HECW1: variants seen among roughly 807,000 people sequenced by gnomAD.
HECW1 encodes HECT, C2 and WW domain containing E3 ubiquitin protein ligase 1.
In HECW1, 61 loss-of-function variants were observed where a neutral mutation model predicts 182.3. The observed-to-expected ratio is 0.33, with a 90% CI of 0.27 to 0.41. The LOEUF (loss-of-function observed/expected upper bound fraction) is 0.41. Among genes scored for constraint, HECW1 ranks in the 10% least tolerant of loss-of-function variants. The pLI is 1.00. For synonymous variants in HECW1, 859 were observed against 832.6 expected (o/e 1.03, Z -0.55); for missense variants, 1,739 against 2,108.9 (o/e 0.82, Z 3.44).
At chr7:43,234,686 G>T (rs986909836) in intron 2 of HECW1, among the ~76,000 whole-genome samples, 8 of 152,142 alleles carry the variant, frequency 5.3e-5, no homozygotes, top group African/African-American at 1.9e-4. Flanking sequence ...TCTTGAAGTT[G>T]CATGATCTCT....
At chr7:43,256,470 G>A (rs533860316) in intron 3 of HECW1, among the ~76,000 whole-genome samples, 43 of 152,038 alleles carry the variant, frequency 2.8e-4, no homozygotes, top group African/African-American at 1.0e-3. Context: ...TTAGCCAGCC[G>A]TGGTGGCAGG....
intron 5 of HECW1, among the ~76,000 whole-genome samples, chr7:43,341,163 G>C (rs1353031491): frequency 6.6e-6 from 1 of 151,604 alleles, no homozygotes; most frequent in Non-Finnish European, 1.5e-5. Context: ...CTGTCATAGG[G>C]TTGGGGGGCA....
intron 6 of HECW1, among the ~76,000 whole-genome samples, chr7:43,371,021 G>A (rs1023679255): frequency 6.6e-6 from 1 of 151,840 alleles, no homozygotes; most frequent in Non-Finnish European, 1.5e-5. Flanking sequence ...CCGAGTAGCT[G>A]GGACTACAGG....
chr7:43,256,249 C>G (rs915456182), intron 3 of HECW1, among the ~76,000 whole-genome samples: 1 of 152,152 alleles, frequency 6.6e-6, no homozygotes, highest in East Asian at 1.9e-4. Flanking sequence ...CTGTGTTTGT[C>G]ATTGAAGATC....
chr7:43,523,164 C>T (rs564194618), intron 24 of HECW1: 63 of 282,322 alleles, frequency 2.2e-4, no homozygotes, highest in Admixed American at 4.2e-4. Context: ...CCACCAGGCC[C>T]GGCTAATTTT....
intron 8 of HECW1, among the ~76,000 whole-genome samples, chr7:43,419,299 A>AT: frequency 6.6e-6 from 1 of 152,216 alleles, no homozygotes. Flanking sequence ...AATTCATTCC[A>AT]TGCCCGTCTC....
chr7:43,207,773 A>G (rs1429202525), intron 2 of HECW1: 1 of 152,172 alleles, frequency 6.6e-6, no homozygotes, highest in Non-Finnish European at 1.5e-5. Flanking sequence ...AAAACATGGA[A>G]TGCTTCACAG....
At chr7:43,164,943 A>G (rs980042072) in intron 2 of HECW1, among the ~76,000 whole-genome samples, 4 of 152,228 alleles carry the variant, frequency 2.6e-5, no homozygotes, top group African/African-American at 9.6e-5. Flanking sequence ...GGCTGAAAGC[A>G]GAAGGATGAA....
chr7:43,544,043 A>T (rs2081464945), intron 26 of HECW1, among the ~76,000 whole-genome samples: 1 of 152,198 alleles, frequency 6.6e-6, no homozygotes, highest in African/African-American at 2.4e-5. Context: ...TTCCAGCTGG[A>T]TCAGAAACCT....
chr7:43,221,968 G>C (rs953356702), intron 2 of HECW1, among the ~76,000 whole-genome samples: 1 of 152,212 alleles, frequency 6.6e-6, no homozygotes, highest in Non-Finnish European at 1.5e-5. Context: ...CCTTAGACCA[G>C]AGTGTCCTCA....
At position 43,561,893 on chromosome 7, in the gene HECW1, AGT is replaced by A; in HGVS notation, c.4789_4790del (p.Val1597ArgfsTer9). ...TGTTGTATGAAAAGCTGTTAACAGC[AGT>A]AGAGGAAACCAGCACCTTTGGACTT... ...SMLYEKLLTA[V>X]EETSTFGLE On this transcript the variant is annotated frameshift_variant, in exon 30 of 30. Transcript: ENST00000395891. LOFTEE classifies it high-confidence loss of function. The A allele has an allele frequency of 6.2e-7, 1 of 1,613,550 alleles. No individual in the cohort carries two copies. The highest frequency in any genetic ancestry group is 8.5e-7 in the Non-Finnish European group (1 of 1,179,410).
At chr7:43,424,236 A>G (rs1383827151) in intron 8 of HECW1, among the ~76,000 whole-genome samples, 3 of 152,202 alleles carry the variant, frequency 2.0e-5, no homozygotes, top group Non-Finnish European at 4.4e-5. Flanking sequence ...TCCAGTGACA[A>G]ATCTCAAGTC....
intron 26 of HECW1, among the ~76,000 whole-genome samples, chr7:43,549,959 T>C (rs1208501489): frequency 5.3e-5 from 8 of 152,136 alleles, no homozygotes; most frequent in Admixed American, 5.2e-4. Context: ...GTTTCCTCTG[T>C]ATAAAACAAA....
chr7:43,159,510 T>C (rs1177415147), intron 2 of HECW1, among the ~76,000 whole-genome samples: 1 of 152,158 alleles, frequency 6.6e-6, no homozygotes, highest in Admixed American at 6.5e-5. Flanking sequence ...AAAAAAAATT[T>C]CTAAAAAGTA....
intron 5 of HECW1, among the ~76,000 whole-genome samples, chr7:43,323,512 G>T (rs527427289): frequency 1.3e-5 from 2 of 152,178 alleles, no homozygotes; most frequent in South Asian, 4.2e-4. Flanking sequence ...CCTGTACCGT[G>T]GAAGTTGAGG....
chr7:43,125,757 T>TAAAAAAAAAAA lies in HECW1; in HGVS notation c.-32+11379_-32+11389dup, dbSNP rs57874835. ...TGGGTGACAGAGCGAGATTCTGTCTTAAAAAAAAAAAAAAAAAAAAAAAGA... is the reference window on the plus strand; with the variant it reads ...TGGGTGACAGAGCGAGATTCTGTCTTAAAAAAAAAAAAAAAAAAAAAAAAAAAAAAAAAAGA... On this transcript the variant is annotated intron_variant, in intron 2 of 29. Transcript: ENST00000395891. Among the ~76,000 whole-genome samples the TAAAAAAAAAAA allele has an allele frequency of 2.0e-4, 17 of 86,530 alleles. 1 individual carries two copies. Among genetic ancestry groups the TAAAAAAAAAAA allele is most frequent in the East Asian group, 3.8e-4 (1 of 2,616 alleles). The allele number at this position is 86,530 out of a possible 152,430, so 56.8% of individuals were successfully genotyped here.
At chr7:43,179,705 C>A (rs925183109) in intron 2 of HECW1, among the ~76,000 whole-genome samples, 2 of 152,258 alleles carry the variant, frequency 1.3e-5, no homozygotes, top group African/African-American at 2.4e-5. Context: ...GTATTAAATA[C>A]TGCAGCATAG....
intron 27 of HECW1, among the ~76,000 whole-genome samples, chr7:43,551,098 C>G (rs1278001966): frequency 6.6e-6 from 1 of 152,154 alleles, no homozygotes; most frequent in Non-Finnish European, 1.5e-5. Flanking sequence ...GTTTAAAAAC[C>G]AGAGGCTATA....
At chr7:43,434,939 A>G (rs2076663985) in intron 8 of HECW1, among the ~76,000 whole-genome samples, 1 of 152,214 alleles carries the variant, frequency 6.6e-6, no homozygotes, top group South Asian at 2.1e-4. Flanking sequence ...TGTGGAAAAT[A>G]CAGAAAAAGG....
Sources: allele counts gnomAD v4.1 joint callset (sites outside exome capture counted in the v4.1 genomes callset), GRCh38; gene constraint gnomAD v4.1.1; transcripts MANE v1.5; gene names NCBI Gene and HGNC (gene_info 2026-07-23, HGNC 2026-07-21).